GLB1: variants seen among roughly 807,000 people sequenced by gnomAD.
GLB1 encodes beta-galactosidase.
Under a neutral mutation model 74.0 loss-of-function variants are expected in GLB1, and 56 were observed. The observed-to-expected ratio is 0.76, with a 90% CI of 0.61 to 0.94. The LOEUF is 0.94. Ranked by LOEUF, GLB1 falls within the 40% of genes least tolerant of loss-of-function variation. GLB1 has a pLI of 0.00. For missense variants in GLB1, 787 were observed against 845.5 expected, an observed-to-expected ratio of 0.93 and a Z score of 0.86; for synonymous variants, 323 against 323.6, an observed-to-expected ratio of 1.00 and a Z score of 0.02.
chr3:32,998,514 A>C, intron 15 of GLB1, among the ~76,000 whole-genome samples: 1 of 143,098 alleles, frequency 7.0e-6, no homozygotes. Flanking sequence ...CTCCGTCTCA[A>C]AAAAAAAAAA....
intron 5 of GLB1, among the ~76,000 whole-genome samples, chr3:33,063,266 A>C (rs952903321): frequency 1.3e-5 from 2 of 152,226 alleles, no homozygotes; most frequent in African/African-American, 4.8e-5. Flanking sequence ...AAAGGCATAA[A>C]AAATATTCAA....
At chr3:33,003,798 G>C (rs1053022448) in intron 15 of GLB1, among the ~76,000 whole-genome samples, 3 of 152,316 alleles carry the variant, frequency 2.0e-5, no homozygotes, top group African/African-American at 7.2e-5. Flanking sequence ...GGGAGGCCAA[G>C]GTGGGTGGAT....
intron 1 of GLB1, among the ~76,000 whole-genome samples, chr3:33,087,733 A>T (rs919844983): frequency 6.6e-6 from 1 of 152,202 alleles, no homozygotes; most frequent in Non-Finnish European, 1.5e-5. Context: ...AAAGTTGAAG[A>T]GGAGGAACAT....
At chr3:32,975,516 T>G in the GLB1 span, among the ~76,000 whole-genome samples, 14 of 152,304 alleles carry the variant, frequency 9.2e-5, no homozygotes. Flanking sequence ...TAGGTTTTTT[T>G]GGTAGGACAT....
chr3:33,072,403 T>A lies in GLB1; in HGVS notation c.245+141A>T, dbSNP rs113835096. 0.011 allele frequency: 14,510 copies of A among 1,340,628 alleles called. 79 individuals are homozygous for A. The highest frequency in any genetic ancestry group is 0.013 in the Admixed American group (662 of 49,742). The allele number at this position is 1,340,628 out of a possible 1,614,324, so 83.0% of individuals were successfully genotyped here. On this transcript the variant is annotated intron_variant, in intron 2 of 15. Transcript: ENST00000307363. ...TTTGAAAAAGGGCCAGTCCGGCTCA[T>A]GACAAGCCCCTCCCAGAACATCACA...
At chr3:33,050,276 A>C (rs1698920487) in intron 9 of GLB1, among the ~76,000 whole-genome samples, 1 of 152,242 alleles carries the variant, frequency 6.6e-6, no homozygotes, top group African/African-American at 2.4e-5. Flanking sequence ...ACCATATGAC[A>C]CAGCCGTTCC....
At chr3:33,021,497 T>C (rs990052056) in intron 12 of GLB1, 69 bp downstream of exon 12, 71 of 1,547,242 alleles carry the variant, frequency 4.6e-5, no homozygotes, top group Non-Finnish European at 6.1e-5. Flanking sequence ...GAATGGGCAC[T>C]GCAAGGCAGT....
intron 1 of GLB1, chr3:33,077,073 T>C (rs1250809233): frequency 7.5e-7 from 1 of 1,336,342 alleles, no homozygotes; most frequent in Non-Finnish European, 9.8e-7. Flanking sequence ...AAAAAAAAAT[T>C]AAAATTAGTG....
chr3:33,092,860 C>T, intron 1 of GLB1: 1 of 1,610,264 alleles, frequency 6.2e-7, no homozygotes. Flanking sequence ...AGGATGAGCT[C>T]TGTGATCTCG....
At chr3:33,049,619 T>C (rs34500490) in intron 9 of GLB1, among the ~76,000 whole-genome samples, 17,681 of 152,170 alleles carry the variant, frequency 0.12, 1,196 homozygotes, top group Admixed American at 0.17. Context: ...GGTTTCACCA[T>C]GTTGGCCAGG....
Position 33,093,494 on chromosome 3 carries a change from A to G in GLB1, c.75+3517T>C, listed in dbSNP as rs1700864221. 1 of 1,614,074 alleles carries G rather than the reference A, an allele frequency of 6.2e-7. No individual in the cohort carries two copies. Among genetic ancestry groups the G allele is most frequent in the African/African-American group, 1.3e-5 (1 of 74,926 alleles). ...TCACCGTGATGTCTGGTTCCAGCACATTCACCATCCTCACAAACATTTCCA... is the reference window on the plus strand; with the variant it reads ...TCACCGTGATGTCTGGTTCCAGCACGTTCACCATCCTCACAAACATTTCCA... On this transcript the variant is annotated intron_variant, in intron 1 of 15. Transcript: ENST00000307363. This position sits in a 1 kb window ranked among gnomAD's most constrained non-coding sequence, Gnocchi z 6.0.
chr3:33,095,226 AAAAAAAAAAG>A (rs1269718811), intron 1 of GLB1, among the ~76,000 whole-genome samples: 7 of 151,382 alleles, frequency 4.6e-5, no homozygotes, highest in African/African-American at 1.5e-4. Context: ...AAAAAAAAAA[AAAAAAAAAAG>A]GAATATTCTC....
chr3:33,052,133 G>C, intron 7 of GLB1, 129 bp from the exon 8 acceptor site: 1 of 1,532,936 alleles, frequency 6.5e-7, no homozygotes, highest in Non-Finnish European at 8.8e-7. Flanking sequence ...GCTTAACCCA[G>C]AGACGCCCCC....
chr3:33,064,441 T>TAA (rs35553546), intron 5 of GLB1, among the ~76,000 whole-genome samples: 8,845 of 108,508 alleles, frequency 0.082, 1,420 homozygotes, highest in African/African-American at 0.3. Context: ...CTCTGTCTCC[T>TAA]AAAAAAAAAA....
chr3:32,979,574 C>T, the GLB1 span, among the ~76,000 whole-genome samples: 7 of 151,408 alleles, frequency 4.6e-5, no homozygotes, highest in South Asian at 2.1e-4. Context: ...CACACTTGGC[C>T]GGGAGTGGCA....
intron 9 of GLB1, among the ~76,000 whole-genome samples, chr3:33,051,252 AAAAAGT>A (rs1698967811): frequency 6.6e-6 from 1 of 150,474 alleles, no homozygotes; most frequent in East Asian, 1.9e-4. Flanking sequence ...AAAAAAAAAA[AAAAAGT>A]AAGAAATATT....
At chr3:33,062,419 C>T (rs950418167) in intron 5 of GLB1, among the ~76,000 whole-genome samples, 3 of 152,188 alleles carry the variant, frequency 2.0e-5, no homozygotes, top group African/African-American at 2.4e-5. Flanking sequence ...CCTCCTGCCT[C>T]GGCCTCCCAA....
intron 10 of GLB1, among the ~76,000 whole-genome samples, chr3:33,031,659 A>G (rs1387511550): frequency 7.7e-6 from 1 of 129,806 alleles, no homozygotes; most frequent in East Asian, 2.1e-4. Context: ...ATATATATAT[A>G]TATATATATA....
chr3:33,072,755 T>G (rs140443576), intron 1 of GLB1, 42 bp from the exon 2 acceptor site: 174 of 1,613,080 alleles, frequency 1.1e-4, no homozygotes, highest in Non-Finnish European at 1.4e-4. Context: ...TTCCACCTTC[T>G]GCATTTCAGA....
Sources: allele counts gnomAD v4.1 joint callset (sites outside exome capture counted in the v4.1 genomes callset), GRCh38; gene constraint gnomAD v4.1.1; non-coding constraint Gnocchi (gnomAD v3.1); transcripts MANE v1.5; gene names NCBI Gene and HGNC (gene_info 2026-07-23, HGNC 2026-07-21).